The following FAM120B variants were observed in gnomAD, a reference collection of about 807,000 sequenced individuals.
FAM120B encodes family with sequence similarity 120 member B.
Under a neutral mutation model 96.3 loss-of-function variants are expected in FAM120B, and 83 were observed. The observed-to-expected ratio is 0.86, with a 90% CI of 0.72 to 1.03. FAM120B has a LOEUF of 1.03. Ranked by LOEUF, FAM120B falls within the 50% of genes least tolerant of loss-of-function variation. The pLI, the probability that FAM120B is intolerant of heterozygous loss-of-function variation, is 0.00. For missense variants in FAM120B, 1,027 were observed against 1,121.2 expected, an observed-to-expected ratio of 0.92 and a Z score of 1.20; for synonymous variants, 407 against 402.7, an observed-to-expected ratio of 1.01 and a Z score of -0.13.
chr6:170,395,360 ACCCT>A (rs759786042), intron 8 of FAM120B, 123 bp from the exon 9 acceptor site: 68 of 746,244 alleles, frequency 9.1e-5, no homozygotes, highest in Middle Eastern at 4.7e-4. Context: ...TTTTTTCATG[ACCCT>A]CCCTCTGATT....
Position 170,406,802 on chromosome 6 carries a change from C to T in FAM120B, c.*2051C>T, listed in dbSNP as rs1016396652. The T allele has an allele frequency of 4.6e-5, 7 of 152,158 alleles. No homozygotes were observed. The highest frequency in any genetic ancestry group is 9.7e-5 in the African/African-American group (4 of 41,434). 9.4% of individuals were successfully genotyped at this position (152,158 alleles called of 1,614,324 possible). On this transcript the variant is annotated 3_prime_UTR_variant, in exon 11 of 11. Coordinates refer to ENST00000476287, the MANE Select transcript of FAM120B (RefSeq NM_032448.3). ...TAACTTTGAAATAAATTCCTCATCC[C>T]TTAGACTAAGAGAGTGGGTGTCTGT... is the stretch of plus-strand genomic sequence containing the variant.
In FAM120B at chr6:170,351,664, C is replaced by A. The variant is rs145896727; in HGVS notation, c.2190+3341C>A. Among the ~76,000 whole-genome samples, 268 of 152,186 alleles carry A rather than the reference C, an allele frequency of 1.8e-3. 1 individual carries two copies. Among genetic ancestry groups the A allele is most frequent in the African/African-American group, 5.8e-3 (243 of 41,552 alleles). ...ACTCAACATTCTTAAGAATTTCCAA[C>A]CCAGAATTTTATATCCAACCAAACT... On this transcript the variant is annotated intron_variant, in intron 5 of 10. Transcript: ENST00000476287.
chr6:170,372,418 G>C (rs1789250912), intron 6 of FAM120B, among the ~76,000 whole-genome samples: 1 of 145,234 alleles, frequency 6.9e-6, no homozygotes, highest in Non-Finnish European at 1.5e-5. Flanking sequence ...ATCTACAGGG[G>C]CGGGGGGGTG....
chr6:170,360,391 C>G (rs1788270170), intron 6 of FAM120B, among the ~76,000 whole-genome samples: 1 of 152,208 alleles, frequency 6.6e-6, no homozygotes, highest in Non-Finnish European at 1.5e-5. Flanking sequence ...TGTGCACACC[C>G]TTGCCATGTT....
chr6:170,351,184 C>T lies in FAM120B; in HGVS notation c.2190+2861C>T, dbSNP rs528793224. ...AGTGTCAATAGCAGAATAGACCAAACGGAGGAATCTCAGAGCTCGAAGACT... is the reference window on the plus strand; with the variant it reads ...AGTGTCAATAGCAGAATAGACCAAATGGAGGAATCTCAGAGCTCGAAGACT... On this transcript the variant is annotated intron_variant, in intron 5 of 10. Transcript: ENST00000476287. Among the ~76,000 whole-genome samples the T allele has an allele frequency of 6.6e-5, 10 of 152,148 alleles. No homozygotes were observed. The South Asian group carries it at 8.3e-4, about 13-fold the overall frequency.
At chr6:170,397,425 T>C (rs1373889569) in intron 9 of FAM120B, among the ~76,000 whole-genome samples, 2 of 151,936 alleles carry the variant, frequency 1.3e-5, no homozygotes, top group Non-Finnish European at 1.5e-5. Context: ...TGGGCCAGAT[T>C]TGGGGGCAGA....
intron 4 of FAM120B, among the ~76,000 whole-genome samples, chr6:170,332,630 G>T (rs1280159431): frequency 6.6e-6 from 1 of 152,080 alleles, no homozygotes; most frequent in South Asian, 2.1e-4. Flanking sequence ...CCCTGGAGGC[G>T]GAGGTTGCAG....
At chr6:170,369,568 T>C (rs1376320371) in intron 6 of FAM120B, among the ~76,000 whole-genome samples, 1 of 152,112 alleles carries the variant, frequency 6.6e-6, no homozygotes, top group Non-Finnish European at 1.5e-5. Flanking sequence ...TGGAAAGGTC[T>C]CTCATGATAA....
chr6:170,385,514 T>G (rs1001587338), intron 6 of FAM120B, among the ~76,000 whole-genome samples: 2 of 152,140 alleles, frequency 1.3e-5, no homozygotes, highest in African/African-American at 4.8e-5. Context: ...AGAGAAAGGT[T>G]TTTTTTATGT....
chr6:170,330,635 CT>C (rs773829358), intron 4 of FAM120B, 85 bp downstream of exon 4: 126 of 1,011,380 alleles, frequency 1.2e-4, no homozygotes, highest in Admixed American at 2.8e-4. Context: ...TGGAAAGCAT[CT>C]TTTACCAGAA....
intron 7 of FAM120B, among the ~76,000 whole-genome samples, 156 bp downstream of exon 7, chr6:170,388,649 T>C (rs1192397474): frequency 3.3e-5 from 5 of 152,242 alleles, no homozygotes; most frequent in Non-Finnish European, 7.3e-5. Context: ...ATTAGGCTTC[T>C]GCATCAACAT....
intron 8 of FAM120B, among the ~76,000 whole-genome samples, chr6:170,392,641 A>T (rs1468792981): frequency 6.6e-6 from 1 of 152,172 alleles, no homozygotes; most frequent in African/African-American, 2.4e-5. Flanking sequence ...TCTTGATGGA[A>T]TAGGAGAACT....
intron 6 of FAM120B, among the ~76,000 whole-genome samples, chr6:170,380,273 G>C: frequency 6.6e-6 from 1 of 151,980 alleles, no homozygotes; most frequent in East Asian, 1.9e-4. Flanking sequence ...GCTTAGGTTG[G>C]TTCTGTGCTT....
At chr6:170,395,463 T>C in intron 8 of FAM120B, 24 bp from the exon 9 acceptor site, 1 of 1,552,296 alleles carries the variant, frequency 6.4e-7, no homozygotes, top group Non-Finnish European at 8.8e-7. Context: ...AACTTACTAA[T>C]CTTCTGACTA....
chr6:170,343,400 G>A (rs2115118707), intron 4 of FAM120B, among the ~76,000 whole-genome samples: 1 of 152,194 alleles, frequency 6.6e-6, no homozygotes, highest in Admixed American at 6.5e-5. Flanking sequence ...GTTCTGGAGA[G>A]AGCTATGGAG....
rs1562567109 is a variant in FAM120B at position 170,361,227 on chromosome 6, T to TACAC, written c.2283+2910_2283+2911insCACA. ...ATATATATATATATATATATATATA[T>TACAC]ATATATATACACGTATATATATATA... On this transcript the variant is annotated intron_variant, in intron 6 of 10. Coordinates refer to ENST00000476287, the MANE Select transcript of FAM120B (RefSeq NM_032448.3). 5.1e-4 allele frequency among the ~76,000 whole-genome samples: 62 copies of TACAC among 122,630 alleles called. 2 individuals are homozygous for TACAC. In the East Asian group the frequency reaches 8.8e-3, roughly 17 times the overall value. 80.5% of individuals were successfully genotyped at this position (122,630 alleles called of 152,430 possible).
At chr6:170,331,471 T>A (rs1260147223) in intron 4 of FAM120B, among the ~76,000 whole-genome samples, 1 of 152,238 alleles carries the variant, frequency 6.6e-6, no homozygotes, top group Non-Finnish European at 1.5e-5. Flanking sequence ...AGTGTTTCCT[T>A]ATTCTGTTAA....
At chr6:170,304,535 C>T (rs1784212471), upstream of FAM120B, among the ~76,000 whole-genome samples, 1 of 151,952 alleles carries the variant, frequency 6.6e-6, no homozygotes, top group Non-Finnish European at 1.5e-5. Flanking sequence ...TCACATGTCA[C>T]ATTTGTGTTT....
chr6:170,401,626 T>A (rs1275467535), intron 9 of FAM120B, among the ~76,000 whole-genome samples: 1 of 152,168 alleles, frequency 6.6e-6, no homozygotes, highest in Non-Finnish European at 1.5e-5. Flanking sequence ...TGTAATAGTA[T>A]AAGCTACTGA....
Sources: gnomAD v4.1 joint callset for allele counts (sites outside exome capture counted in the v4.1 genomes callset) on GRCh38, gnomAD v4.1.1 for gene constraint, MANE v1.5 for transcripts, NCBI Gene and HGNC (gene_info 2026-07-23, HGNC 2026-07-21) for gene names.